ERICH1: variants seen among roughly 807,000 people sequenced by gnomAD.
ERICH1 encodes glutamate-rich protein 1.
A neutral mutation model predicts 39.6 loss-of-function variants in ERICH1; 56 were observed. The observed-to-expected ratio is 1.41, with a 90% CI of 1.14 to 1.77. The LOEUF (loss-of-function observed/expected upper bound fraction) is 1.77, where lower values mean the gene tolerates loss of function less well. Among genes scored for constraint, ERICH1 ranks in the 40% most tolerant of loss-of-function variants. The probability of loss-of-function intolerance (pLI) is 0.00; values close to 1 mark genes in which losing one functional copy is unlikely to be tolerated. For missense variants in ERICH1, 826 were observed against 575.4 expected (o/e 1.44, Z -4.45); for synonymous variants, 313 against 223.6 (o/e 1.40, Z -3.57).
chr8:717,851 G>C (rs1252161120), intron 1 of ERICH1, among the ~76,000 whole-genome samples: 1 of 152,264 alleles, frequency 6.6e-6, no homozygotes, highest in South Asian at 2.1e-4. Flanking sequence ...GAACGCCTGA[G>C]GCTGGGCAGG....
intron 3 of ERICH1, among the ~76,000 whole-genome samples, chr8:684,193 G>T (rs761412447): frequency 6.6e-6 from 1 of 152,104 alleles, no homozygotes; most frequent in Non-Finnish European, 1.5e-5. Context: ...GGGCAATAAA[G>T]TGCTAAATTC....
intron 3 of ERICH1, among the ~76,000 whole-genome samples, chr8:637,948 G>A (rs1164982697): frequency 6.6e-6 from 1 of 152,258 alleles, no homozygotes; most frequent in Non-Finnish European, 1.5e-5. Context: ...TGAGGACTTT[G>A]ATTCAACAGA....
At chr8:652,163 TC>T (rs1800047601) in intron 3 of ERICH1, among the ~76,000 whole-genome samples, 1 of 152,158 alleles carries the variant, frequency 6.6e-6, no homozygotes, top group Non-Finnish European at 1.5e-5. Flanking sequence ...ATCGACGCCT[TC>T]CCTGAACTCA....
intron 1 of ERICH1, among the ~76,000 whole-genome samples, chr8:727,069 A>G (rs1354774416): frequency 2.6e-5 from 4 of 151,710 alleles, no homozygotes; most frequent in Non-Finnish European, 5.9e-5. Context: ...ACACGTACAC[A>G]TACACATACA....
chr8:702,008 C>T (rs533475468), intron 2 of ERICH1, among the ~76,000 whole-genome samples: 11 of 136,514 alleles, frequency 8.1e-5, no homozygotes, highest in East Asian at 2.4e-4. Context: ...ACCTGGGAGG[C>T]GGAGCTTGCA....
intron 3 of ERICH1, among the ~76,000 whole-genome samples, chr8:618,532 A>G (rs370618611): frequency 2.6e-5 from 4 of 152,210 alleles, no homozygotes; most frequent in East Asian, 3.8e-4. Context: ...GTACATGCTA[A>G]CTGAGTGAGT....
exon 4 of ERICH1, chr8:615,043 C>A (rs1563155069): frequency 4.3e-6 from 2 of 463,966 alleles, no homozygotes; most frequent in Non-Finnish European, 7.5e-6. Context: ...GACGTGGCTA[C>A]GCTCCCAGCA....
At chr8:657,158 G>A (rs1473213803) in intron 3 of ERICH1, among the ~76,000 whole-genome samples, 1 of 152,310 alleles carries the variant, frequency 6.6e-6, no homozygotes, top group South Asian at 2.1e-4. Context: ...GATACTGCAA[G>A]AGTTGAAGAA....
At chr8:630,235 C>A (rs1797914342) in intron 3 of ERICH1, among the ~76,000 whole-genome samples, 1 of 140,130 alleles carries the variant, frequency 7.1e-6, no homozygotes, top group Non-Finnish European at 1.5e-5. Context: ...ACCACCCACA[C>A]AGACAGAGCT....
intron 2 of ERICH1, among the ~76,000 whole-genome samples, chr8:715,070 C>T (rs1366231981): frequency 6.6e-6 from 1 of 150,562 alleles, no homozygotes; most frequent in African/African-American, 2.5e-5. Context: ...GTGCCGCACC[C>T]AGGTGGTCTA....
intron 3 of ERICH1, among the ~76,000 whole-genome samples, chr8:688,504 C>T (rs1338592961): frequency 6.6e-6 from 1 of 151,866 alleles, no homozygotes; most frequent in Non-Finnish European, 1.5e-5. Flanking sequence ...AACGCCACGG[C>T]CCTCCTGGCG....
Position 674,043 on chromosome 8 carries a change from C to T in ERICH1, c.309G>A (p.Gln103=), listed in dbSNP as rs1035985999. ...TTCTCTTTGGCTGGTCATGAGGATC[C>T]TGATCTGTTAAAAAAATTCAAATAT... The part of the protein sequence containing the change: ...NASSGDDTED[Q]DPHDQPKRRR... The change falls in exon 4 of 6, where the codon CAG becomes CAA. Residue 103 remains glutamine (Q), a synonymous_variant. Coordinates refer to ENST00000262109, the MANE Select transcript of ERICH1 (RefSeq NM_207332.3). The T allele has an allele frequency of 6.5e-7, 1 of 1,539,672 alleles. No homozygotes were observed. The highest frequency in any genetic ancestry group is 1.4e-5 in the African/African-American group (1 of 71,888).
intron 3 of ERICH1, chr8:640,733 T>TA (rs1470824605): frequency 6.6e-6 from 1 of 152,196 alleles, no homozygotes; most frequent in Non-Finnish European, 1.5e-5. Context: ...GTCCATGTCA[T>TA]CGGTGTTGGT....
chr8:673,647 C>T lies in ERICH1; in HGVS notation c.705G>A (p.Ala235=), dbSNP rs143050623. 819 of 1,612,832 alleles carry T rather than the reference C, an allele frequency of 5.1e-4. 1 individual carries two copies. The highest frequency in any genetic ancestry group is 1.1e-3 in the Admixed American group (68 of 59,794). The change falls in exon 4 of 6, where the codon GCG becomes GCA. Residue 235 remains alanine, a synonymous_variant. Coordinates refer to ENST00000262109, the MANE Select transcript of ERICH1 (RefSeq NM_207332.3). Reference sequence around the variant, plus strand: ...GTGTCAGGTCTTCCTCGCTAGCGTCCGCACCATCTTCCTCCCTGGTATCTT... The same window carrying T: ...GTGTCAGGTCTTCCTCGCTAGCGTCTGCACCATCTTCCTCCCTGGTATCTT... The part of the protein sequence containing the change: ...DVKDTREEDG[A]DASEEDLTRA...
chr8:642,335 ACT>A (rs1491574469), intron 3 of ERICH1, among the ~76,000 whole-genome samples: 1 of 93,660 alleles, frequency 1.1e-5, no homozygotes, highest in East Asian at 3.3e-4. Flanking sequence ...CATGGTCTGG[ACT>A]TTTTTTTTTT....
At chr8:692,386 G>C in intron 3 of ERICH1, 92 bp downstream of exon 3, 4 of 1,557,114 alleles carry the variant, frequency 2.6e-6, no homozygotes, top group Non-Finnish European at 3.5e-6. Context: ...CCCCAAGTAT[G>C]AATTTAGATA....
intron 1 of ERICH1, among the ~76,000 whole-genome samples, chr8:729,808 A>G (rs1819588420): frequency 7.2e-6 from 1 of 138,452 alleles, no homozygotes; most frequent in Non-Finnish European, 1.6e-5. Flanking sequence ...TGGTGAATGG[A>G]GAAAGGTTTT....
rs541962188 is a variant in ERICH1, at chr8:689,743, C to T, written c.304+2735G>A. On this transcript the variant is annotated intron_variant, in intron 3 of 5. Transcript: ENST00000262109. ...TGCCCAGCGTCCCCACAGTGGTCAG[C>T]TGGGTCCAGAGTCCTGTAATGCGGT... Among the ~76,000 whole-genome samples the T allele has an allele frequency of 1.2e-4, 19 of 152,200 alleles. No homozygotes were observed. In the South Asian group the frequency reaches 3.9e-3, roughly 32 times the overall value.
At chr8:693,559 C>T (rs1002062974) in intron 2 of ERICH1, among the ~76,000 whole-genome samples, 24 of 152,156 alleles carry the variant, frequency 1.6e-4, no homozygotes, top group African/African-American at 4.8e-4. Flanking sequence ...TCGTTACCAC[C>T]GTGGACAGCT....
Sources: allele counts gnomAD v4.1 joint callset (sites outside exome capture counted in the v4.1 genomes callset), GRCh38; gene constraint gnomAD v4.1.1; transcripts MANE v1.5; gene names NCBI Gene and HGNC (gene_info 2026-07-23, HGNC 2026-07-21).